The following SLC35F1 variants were observed in gnomAD, a reference collection of about 807,000 sequenced individuals.
SLC35F1 encodes the protein chromosome 6 open reading frame 169.
In SLC35F1, 14 loss-of-function variants were observed where a neutral mutation model predicts 48.7. The observed-to-expected ratio is 0.29, with a 90% confidence interval of 0.19 to 0.45. The LOEUF is 0.45. Among genes scored for constraint, SLC35F1 ranks in the 20% least tolerant of loss-of-function variants. SLC35F1 has a pLI of 1.00. For missense variants in SLC35F1, 404 were observed against 500.0 expected (o/e 0.81, Z 1.83); for synonymous variants, 190 against 202.2 (o/e 0.94, Z 0.51).
At chr6:118,163,022 A>T (rs1015343602) in intron 2 of SLC35F1, among the ~76,000 whole-genome samples, 1 of 148,684 alleles carries the variant, frequency 6.7e-6, no homozygotes. Context: ...CAGTGGTGCG[A>T]TCTCGAGAGG....
chr6:118,133,941 T>C (rs185764568), intron 1 of SLC35F1, among the ~76,000 whole-genome samples: 36 of 152,352 alleles, frequency 2.4e-4, no homozygotes, highest in African/African-American at 8.4e-4. Flanking sequence ...GAGAACCTTC[T>C]TGGTCAACAC....
At chr6:118,035,758 C>T (rs370202179) in intron 1 of SLC35F1, among the ~76,000 whole-genome samples, 3 of 127,580 alleles carry the variant, frequency 2.4e-5, no homozygotes, top group Non-Finnish European at 4.7e-5. Flanking sequence ...GATGTGATCT[C>T]GGCTCACTGC....
intron 2 of SLC35F1, among the ~76,000 whole-genome samples, chr6:118,176,152 T>C (rs537610499): frequency 2.0e-5 from 3 of 152,234 alleles, no homozygotes; most frequent in Middle Eastern, 3.4e-3. Context: ...CTCTACCCCA[T>C]GGAATATTGA....
At chr6:118,242,801 A>C (rs1045711738) in intron 3 of SLC35F1, among the ~76,000 whole-genome samples, 5 of 152,226 alleles carry the variant, frequency 3.3e-5, no homozygotes, top group African/African-American at 9.6e-5. Context: ...GTATCTCTTC[A>C]AACACGATAG....
chr6:118,049,006 C>T (rs1355620830), intron 1 of SLC35F1, among the ~76,000 whole-genome samples: 1 of 152,032 alleles, frequency 6.6e-6, no homozygotes, highest in Non-Finnish European at 1.5e-5. Flanking sequence ...GTACTGGTAC[C>T]AAAACAGAGA....
rs184483910 is a variant in SLC35F1 at position 118,127,547 on chromosome 6, C to T, written c.174-26898C>T. Among the ~76,000 whole-genome samples the T allele has an allele frequency of 2.5e-3, 380 of 152,240 alleles. 6 individuals are homozygous for T. Among genetic ancestry groups the T allele is most frequent in the Admixed American group, 0.021 (322 of 15,268 alleles). ...TGATCTTTGACAAACTTGAGAAAAACAAGCAATGGGGAAAGGATTCCCTGT... is the reference window on the plus strand; with the variant it reads ...TGATCTTTGACAAACTTGAGAAAAATAAGCAATGGGGAAAGGATTCCCTGT... On this transcript the variant is annotated intron_variant, in intron 1 of 7. Transcript: ENST00000360388.
chr6:118,159,838 C>G (rs907774443), intron 2 of SLC35F1, among the ~76,000 whole-genome samples: 1 of 152,282 alleles, frequency 6.6e-6, no homozygotes, highest in African/African-American at 2.4e-5. Context: ...CTTCCCAGAG[C>G]TACCTTTAAA....
chr6:118,298,296 C>T (rs1482899657), intron 7 of SLC35F1, among the ~76,000 whole-genome samples: 1 of 152,112 alleles, frequency 6.6e-6, no homozygotes, highest in Non-Finnish European at 1.5e-5. Flanking sequence ...TGTGTGACTT[C>T]CTTTTCAAAA....
At chr6:118,144,117 A>G (rs184798245) in intron 1 of SLC35F1, among the ~76,000 whole-genome samples, 25 of 152,328 alleles carry the variant, frequency 1.6e-4, no homozygotes, top group African/African-American at 5.8e-4. Flanking sequence ...AAATCATTCT[A>G]TTATAAAGAT....
chr6:118,159,986 CT>C (rs1774205652), intron 2 of SLC35F1, among the ~76,000 whole-genome samples: 1 of 152,134 alleles, frequency 6.6e-6, no homozygotes, highest in African/African-American at 2.4e-5. Context: ...TCTTGTTTCT[CT>C]AATTCCTTTT....
At chr6:118,066,131 A>G (rs1231377634) in intron 1 of SLC35F1, among the ~76,000 whole-genome samples, 3 of 152,318 alleles carry the variant, frequency 2.0e-5, no homozygotes, top group East Asian at 1.9e-4. Flanking sequence ...AGTCACGGAC[A>G]TTGCAAATAA....
chr6:118,249,351 A>G (rs3901856), intron 3 of SLC35F1, among the ~76,000 whole-genome samples: 20,771 of 152,174 alleles, frequency 0.14, 1,464 homozygotes, highest in Middle Eastern at 0.17. Context: ...CTAAGGTGCC[A>G]ATTCTCCCAA....
At chr6:118,136,593 C>G (rs1773800789) in intron 1 of SLC35F1, among the ~76,000 whole-genome samples, 1 of 152,182 alleles carries the variant, frequency 6.6e-6, no homozygotes, top group Non-Finnish European at 1.5e-5. Flanking sequence ...TCTGCCCCTC[C>G]TTTTTTGGTC....
intron 1 of SLC35F1, among the ~76,000 whole-genome samples, chr6:117,929,453 A>ATGTGTGTG (rs143634465): frequency 0.014 from 2,093 of 146,052 alleles, 22 homozygotes; most frequent in African/African-American, 0.026. Context: ...GTATGTATTT[A>ATGTGTGTG]TGTGTGTGTG....
chr6:118,154,647 T>C, intron 2 of SLC35F1, 27 bp downstream of exon 2: 2 of 1,572,348 alleles, frequency 1.3e-6, no homozygotes, highest in East Asian at 4.5e-5. Context: ...ACCAGGAATA[T>C]AACTTTTACA....
At chr6:118,270,961 T>G (rs1775844217) in intron 4 of SLC35F1, among the ~76,000 whole-genome samples, 1 of 152,208 alleles carries the variant, frequency 6.6e-6, no homozygotes, top group Non-Finnish European at 1.5e-5. Context: ...AAAATATCCT[T>G]TTCTAACACA....
chr6:117,981,856 T>G (rs1776785385), intron 1 of SLC35F1, among the ~76,000 whole-genome samples: 1 of 152,170 alleles, frequency 6.6e-6, no homozygotes, highest in African/African-American at 2.4e-5. Context: ...TCAGCATTGT[T>G]TTTACATTGC....
intron 1 of SLC35F1, among the ~76,000 whole-genome samples, chr6:118,012,391 C>T (rs1283812737): frequency 6.6e-6 from 1 of 151,630 alleles, no homozygotes; most frequent in African/African-American, 2.4e-5. Flanking sequence ...CTGTGAGAGT[C>T]TTCATAGTGG....
chr6:118,063,255 T>G (rs1402127992), intron 1 of SLC35F1, among the ~76,000 whole-genome samples: 2 of 152,170 alleles, frequency 1.3e-5, no homozygotes, highest in African/African-American at 4.8e-5. Context: ...ATTCATCACT[T>G]CATTATAGAG....
Sources: allele counts gnomAD v4.1 joint callset (sites outside exome capture counted in the v4.1 genomes callset), GRCh38; gene constraint gnomAD v4.1.1; transcripts MANE v1.5; gene names NCBI Gene and HGNC (gene_info 2026-07-23, HGNC 2026-07-21).